Variants in SLC10A7 observed in about 807,000 individuals in gnomAD.
SLC10A7 encodes solute carrier family 10 member 7.
Under a neutral mutation model 43.2 loss-of-function variants are expected in SLC10A7, and 29 were observed. That is an observed-to-expected ratio of 0.67 (90% CI 0.50 to 0.92). The LOEUF is 0.92. Among genes scored for constraint, SLC10A7 ranks in the 40% least tolerant of loss-of-function variants. The pLI, the probability that SLC10A7 is intolerant of heterozygous loss-of-function variation, is 0.00. For missense variants in SLC10A7, 295 were observed against 403.2 expected (o/e 0.73, Z 2.30); for synonymous variants, 152 against 144.8 (o/e 1.05, Z -0.35).
chr4:146,280,421 T>C (rs1167970334), intron 10 of SLC10A7, among the ~76,000 whole-genome samples: 3 of 152,156 alleles, frequency 2.0e-5, no homozygotes, highest in Admixed American at 2.0e-4. Flanking sequence ...ATGTTGATAT[T>C]TTGGAGGCTG....
At chr4:146,257,865 G>GCTCA (rs1399810384) in intron 11 of SLC10A7, among the ~76,000 whole-genome samples, 1 of 152,174 alleles carries the variant, frequency 6.6e-6, no homozygotes, top group African/African-American at 2.4e-5. Flanking sequence ...CACACACAGT[G>GCTCA]CTCAATAGGT....
At chr4:146,375,603 CT>C (rs1737137891) in intron 5 of SLC10A7, among the ~76,000 whole-genome samples, 1 of 152,138 alleles carries the variant, frequency 6.6e-6, no homozygotes, top group African/African-American at 2.4e-5. Flanking sequence ...AACTTATCTC[CT>C]TTTAACAAGC....
At chr4:146,281,993 T>G (rs1729586198) in intron 10 of SLC10A7, among the ~76,000 whole-genome samples, 1 of 152,164 alleles carries the variant, frequency 6.6e-6, no homozygotes, top group South Asian at 2.1e-4. Flanking sequence ...TAGACTTTAA[T>G]CTTTACAACA....
intron 4 of SLC10A7, among the ~76,000 whole-genome samples, chr4:146,470,830 T>G (rs184343999): frequency 2.0e-4 from 31 of 152,292 alleles, no homozygotes; most frequent in Non-Finnish European, 3.7e-4. Context: ...CAGGCTAGCA[T>G]GTTGGTATGG....
At chr4:146,498,749 C>T (rs1009509917) in intron 4 of SLC10A7, among the ~76,000 whole-genome samples, 1 of 152,162 alleles carries the variant, frequency 6.6e-6, no homozygotes, top group African/African-American at 2.4e-5. Context: ...ACATTGAGTT[C>T]CTTCTGCTGC....
At chr4:146,483,269 T>C (rs1734639691) in intron 4 of SLC10A7, among the ~76,000 whole-genome samples, 1 of 152,132 alleles carries the variant, frequency 6.6e-6, no homozygotes, top group African/African-American at 2.4e-5. Context: ...CAGTGAAAAT[T>C]AAAGCTATAA....
Position 146,256,295 on chromosome 4 carries a change from C to A in SLC10A7, c.*196G>T, listed in dbSNP as rs1483018864. The A allele has an allele frequency of 3.4e-6, 2 of 595,838 alleles. No homozygotes were observed. Among genetic ancestry groups the A allele is most frequent in the Non-Finnish European group, 5.9e-6 (2 of 337,166 alleles). The allele number at this position is 595,838 out of a possible 1,614,324, so 36.9% of individuals were successfully genotyped here. On this transcript the variant is annotated 3_prime_UTR_variant, in exon 12 of 12. Coordinates refer to ENST00000335472, the MANE Select transcript of SLC10A7 (RefSeq NM_001029998.6). ...CCCCCAAATATTGTACCACCCCTGG[C>A]AGTAATCAACAAAGCATATTTTGGA...
intron 4 of SLC10A7, among the ~76,000 whole-genome samples, chr4:146,466,252 AG>A (rs1280548045): frequency 6.6e-6 from 1 of 152,186 alleles, no homozygotes; most frequent in African/African-American, 2.4e-5. Context: ...ATTGGAGTCC[AG>A]AAGAAGATGT....
At chr4:146,463,222 G>A (rs1348523408) in intron 4 of SLC10A7, among the ~76,000 whole-genome samples, 1 of 152,146 alleles carries the variant, frequency 6.6e-6, no homozygotes, top group East Asian at 1.9e-4. Flanking sequence ...AAAATATTAT[G>A]TGGACTCCTC....
rs1025997948 is a variant in SLC10A7 at position 146,351,238 on chromosome 4, G to A, written c.436-25242C>T. ...GCTCGAGAACTACGTGAAGAATGCAGAAGCCTCAGGAGCTGATACGATCAA... is the reference window on the plus strand; with the variant it reads ...GCTCGAGAACTACGTGAAGAATGCAAAAGCCTCAGGAGCTGATACGATCAA... On this transcript the variant is annotated intron_variant, in intron 5 of 11. Coordinates refer to ENST00000335472, the MANE Select transcript of SLC10A7 (RefSeq NM_001029998.6). Among the ~76,000 whole-genome samples, 182 of 149,944 alleles carry A rather than the reference G, an allele frequency of 1.2e-3. 1 individual carries two copies. The highest frequency in any genetic ancestry group is 4.1e-3 in the African/African-American group (164 of 39,978).
chr4:146,413,566 T>C (rs974851660), intron 5 of SLC10A7, among the ~76,000 whole-genome samples: 2 of 152,186 alleles, frequency 1.3e-5, no homozygotes, highest in Non-Finnish European at 1.5e-5. Context: ...TTTAATTTAC[T>C]ACTCAGGATG....
chr4:146,383,090 T>C (rs1449982785), intron 5 of SLC10A7, among the ~76,000 whole-genome samples: 1 of 152,132 alleles, frequency 6.6e-6, no homozygotes, highest in Non-Finnish European at 1.5e-5. Context: ...TGCAGCCTCA[T>C]CACACAATAA....
At chr4:146,288,062 C>T (rs1377072026) in intron 9 of SLC10A7, among the ~76,000 whole-genome samples, 2 of 152,194 alleles carry the variant, frequency 1.3e-5, no homozygotes, top group Non-Finnish European at 2.9e-5. Context: ...AAGCTAGGGC[C>T]ACACTGGGAG....
chr4:146,332,571 G>C (rs1733609604), intron 5 of SLC10A7, among the ~76,000 whole-genome samples: 1 of 152,088 alleles, frequency 6.6e-6, no homozygotes, highest in Non-Finnish European at 1.5e-5. Context: ...CATGTGAAGT[G>C]CCTGCTCCTG....
At chr4:146,490,699 C>A (rs895468795) in intron 4 of SLC10A7, among the ~76,000 whole-genome samples, 6 of 152,098 alleles carry the variant, frequency 3.9e-5, no homozygotes, top group African/African-American at 1.4e-4. Context: ...GCTCTCTTAA[C>A]TGGAACTAAA....
In SLC10A7 at chr4:146,521,831, G is replaced by A; in HGVS notation, c.-114C>T. The stretch of plus-strand genomic sequence containing the variant: ...TTTCCTTGGTCCCTCCAGACATGCA[G>A]CAGAGCAAGTCAAATTGCCGATTGT... On this transcript the variant is annotated 5_prime_UTR_variant, in exon 1 of 12. Transcript: ENST00000335472. The A allele has an allele frequency of 2.4e-6, 2 of 839,120 alleles. No individual in the cohort carries two copies. Among genetic ancestry groups the A allele is most frequent in the South Asian group, 3.2e-5 (2 of 61,552 alleles). The allele number at this position is 839,120 out of a possible 1,614,324, so 52.0% of individuals were successfully genotyped here.
intron 5 of SLC10A7, among the ~76,000 whole-genome samples, chr4:146,441,288 G>T (rs1452047284): frequency 1.3e-5 from 2 of 152,136 alleles, no homozygotes; most frequent in African/African-American, 4.8e-5. Flanking sequence ...TACTTCACTA[G>T]ACCTTACCAA....
intron 4 of SLC10A7, among the ~76,000 whole-genome samples, chr4:146,460,065 C>T (rs1732400568): frequency 6.6e-6 from 1 of 151,772 alleles, no homozygotes; most frequent in African/African-American, 2.4e-5. Flanking sequence ...ATGTGGATGA[C>T]AAATTAACAC....
intron 10 of SLC10A7, among the ~76,000 whole-genome samples, chr4:146,263,058 G>T (rs151219995): frequency 6.6e-6 from 1 of 152,176 alleles, no homozygotes; most frequent in East Asian, 1.9e-4. Flanking sequence ...CCTTGGCCAC[G>T]TGCCATTCTC....
Sources: gnomAD v4.1 joint callset for allele counts (sites outside exome capture counted in the v4.1 genomes callset) on GRCh38, gnomAD v4.1.1 for gene constraint, MANE v1.5 for transcripts, NCBI Gene and HGNC (gene_info 2026-07-23, HGNC 2026-07-21) for gene names.